The following C4BPA variants were observed in gnomAD, a reference collection of about 807,000 sequenced individuals.
The protein encoded by C4BPA is complement component 4 binding protein alpha.
Under a neutral mutation model 63.7 loss-of-function variants are expected in C4BPA, and 31 were observed. The ratio of observed to expected loss-of-function variants is 0.49; its 90% confidence interval spans 0.37 to 0.66. The LOEUF is 0.66. C4BPA is among the 30% of genes least tolerant of loss of function. C4BPA has a pLI of 0.00. For missense variants in C4BPA, 572 were observed against 723.3 expected, an observed-to-expected ratio of 0.79 and a Z score of 2.40; for synonymous variants, 259 against 254.7, an observed-to-expected ratio of 1.02 and a Z score of -0.16.
At chr1:207,114,335 G>A in intron 3 of C4BPA, 50 bp downstream of exon 3, 1 of 1,432,450 alleles carries the variant, frequency 7.0e-7, no homozygotes, top group Non-Finnish European at 9.6e-7. Flanking sequence ...TCTTTGGAAA[G>A]TTGTCTCAGA....
intron 4 of C4BPA, among the ~76,000 whole-genome samples, chr1:207,118,208 C>CATCTATCT (rs1553256033): frequency 2.0e-4 from 15 of 74,474 alleles, no homozygotes; most frequent in South Asian, 9.3e-4. Context: ...ATCTATCTAT[C>CATCTATCT]ATCTGTCTAT....
rs746759203 is a variant in C4BPA at position 207,126,836 on chromosome 1, G to C, written c.830G>C (p.Ser277Thr). 6.2e-7 allele frequency: 1 copy of C among 1,613,436 alleles called. No individual in the cohort carries two copies. The highest frequency in any genetic ancestry group is 8.5e-7 in the Non-Finnish European group (1 of 1,179,614). ...AAAGGTTTTGTTCTCAGAGGCAGCA[G>C]TGTAATTCATTGTGATGCTGATAGC... ...CQKGFVLRGS[S>T]VIHCDADSKW... The change falls in exon 7 of 12, where the codon AGT becomes ACT. Residue 277 changes from serine to threonine, a missense_variant. This residue lies in a region of C4BPA where 465 missense variants were observed against 629.4 expected (regional missense o/e 0.74). Coordinates refer to ENST00000367070, the MANE Select transcript of C4BPA (RefSeq NM_000715.4).
chr1:207,113,235 G>C, intron 2 of C4BPA, 68 bp downstream of exon 2: 3 of 1,525,276 alleles, frequency 2.0e-6, no homozygotes, highest in Non-Finnish European at 2.7e-6. Flanking sequence ...TCACTTTTAA[G>C]GCTAAAAAAA....
intron 9 of C4BPA, 112 bp from the exon 10 acceptor site, chr1:207,140,994 C>T (rs551660514): frequency 1.5e-5 from 11 of 756,922 alleles, no homozygotes; most frequent in East Asian, 2.8e-5. Flanking sequence ...TTACAGGCAG[C>T]GAGGATAGAA....
In C4BPA at chr1:207,126,830, G is replaced by A; in HGVS notation, c.824G>A (p.Gly275Asp). ...TGCCAAAAAGGTTTTGTTCTCAGAG[G>A]CAGCAGTGTAATTCATTGTGATGCT... ...FKCQKGFVLR[G>D]SSVIHCDADS... The change falls in exon 7 of 12, where the codon GGC becomes GAC. Residue 275 changes from glycine to aspartate, a missense_variant. Transcript: ENST00000367070. 2 of 1,613,420 alleles carry A rather than the reference G, an allele frequency of 1.2e-6. No homozygotes were observed. Among genetic ancestry groups the A allele is most frequent in the Non-Finnish European group, 1.7e-6 (2 of 1,179,604 alleles).
chr1:207,125,628 G>A (rs766859891), intron 6 of C4BPA, among the ~76,000 whole-genome samples: 3 of 152,146 alleles, frequency 2.0e-5, no homozygotes, highest in African/African-American at 4.8e-5. Flanking sequence ...TCCCCCATGT[G>A]AGGACGCAGC....
rs12072216 is a variant in C4BPA at position 207,113,035 on chromosome 1, C to T, written c.10C>T (p.Pro4Ser). 11 of 1,597,198 alleles carry T rather than the reference C, an allele frequency of 6.9e-6. No homozygotes were observed. The highest frequency in any genetic ancestry group is 2.3e-5 in the East Asian group (1 of 44,314). Residue 4 changes from proline (P) to serine (S), a missense_variant, in exon 2 of 12, where the codon CCA becomes TCA. Pro to Ser is a moderately conservative substitution (Grantham distance 74). This residue lies in a region of C4BPA where 107 missense variants were observed against 93.9 expected (regional missense o/e 1.14). Transcript: ENST00000367070. ...AGCGAAGCAGCAGGCCATGCACCCC[C>T]CAAAAACTCCATCTGGGGCTCTTCA... MHP[P>S]KTPSGALHRK...
At chr1:207,131,458 C>A in intron 7 of C4BPA, 88 bp from the exon 8 acceptor site, 2 of 864,120 alleles carry the variant, frequency 2.3e-6, no homozygotes, top group Non-Finnish European at 3.6e-6. Flanking sequence ...GAACGTATGA[C>A]CCCCTTTGAT....
intron 8 of C4BPA, among the ~76,000 whole-genome samples, chr1:207,133,767 T>C (rs1212151636): frequency 6.6e-6 from 1 of 152,184 alleles, no homozygotes; most frequent in Non-Finnish European, 1.5e-5. Flanking sequence ...GCCATTTAAA[T>C]GGCTATTTCT....
In C4BPA at chr1:207,141,746, G is replaced by C. The variant is rs564193490; in HGVS notation, c.1444+470G>C. On this transcript the variant is annotated intron_variant, in intron 10 of 11. Coordinates refer to ENST00000367070, the MANE Select transcript of C4BPA (RefSeq NM_000715.4). Reference sequence around the variant, plus strand: ...GTGTTGGTGTGAGGGGTCAGGGAGGGTGAAGGGGGACTCGTAGTTTGCAGC... The same window carrying C: ...GTGTTGGTGTGAGGGGTCAGGGAGGCTGAAGGGGGACTCGTAGTTTGCAGC... 2.7e-4 allele frequency among the ~76,000 whole-genome samples: 41 copies of C among 152,258 alleles called. No individual in the cohort carries two copies. The South Asian group carries it at 8.1e-3, about 30-fold the overall frequency.
At position 207,144,687 on chromosome 1, in the gene C4BPA, A is replaced by C; in HGVS notation, c.1764A>C (p.Ala588=). The C allele has an allele frequency of 6.2e-7, 1 of 1,609,836 alleles. No homozygotes were observed. The highest frequency in any genetic ancestry group is 1.3e-5 in the African/African-American group (1 of 74,796). The part of the protein sequence containing the change: ...IEQLELQRDS[A]RQSTLDKEL ...AACTGGAACTACAGAGAGACAGCGCAAGACAATCCACTTTGGATAAAGAAC... is the reference window on the plus strand; with the variant it reads ...AACTGGAACTACAGAGAGACAGCGCCAGACAATCCACTTTGGATAAAGAAC... Residue 588 remains alanine, a synonymous_variant, in exon 12 of 12, where the codon GCA becomes GCC. Transcript: ENST00000367070.
At position 207,142,094 on chromosome 1, in the gene C4BPA, A is replaced by AGT. The variant is rs574585947; in HGVS notation, c.1444+824_1444+825dup. Among the ~76,000 whole-genome samples the AGT allele has an allele frequency of 3.5e-3, 92 of 26,350 alleles. 1 individual carries two copies. The Admixed American group carries it at 0.039, about 11-fold the overall frequency. 17.3% of individuals were successfully genotyped at this position (26,350 alleles called of 152,430 possible). ...TGCCCCCCACCCCCCGACAGGCCCC[A>AGT]GTGTGTGATGTTCCCCTCCCTGTGT... On this transcript the variant is annotated intron_variant, in intron 10 of 11. Coordinates refer to ENST00000367070, the MANE Select transcript of C4BPA (RefSeq NM_000715.4).
At chr1:207,131,765 T>C in intron 8 of C4BPA, 25 bp downstream of exon 8, 1 of 1,502,718 alleles carries the variant, frequency 6.7e-7, no homozygotes, top group Non-Finnish European at 9.2e-7. Context: ...TTTAATATTT[T>C]TGTATATTAA....
At chr1:207,121,216 T>G (rs1180901948) in intron 4 of C4BPA, among the ~76,000 whole-genome samples, 1 of 152,172 alleles carries the variant, frequency 6.6e-6, no homozygotes, top group Admixed American at 6.5e-5. Flanking sequence ...ATAATTATTT[T>G]AACCATTATA....
intron 9 of C4BPA, among the ~76,000 whole-genome samples, chr1:207,136,914 C>T (rs1308984109): frequency 1.3e-5 from 2 of 152,218 alleles, no homozygotes; most frequent in Non-Finnish European, 2.9e-5. Context: ...GAATACTAAA[C>T]TTCCCAAAGT....
chr1:207,118,175 CTA>C (rs1230706585), intron 4 of C4BPA, among the ~76,000 whole-genome samples: 12 of 149,320 alleles, frequency 8.0e-5, no homozygotes, highest in African/African-American at 1.5e-4. Context: ...GTCTATCTAT[CTA>C]TATCTATCTA....
At chr1:207,125,956 C>T (rs1370420492) in intron 6 of C4BPA, among the ~76,000 whole-genome samples, 3 of 151,962 alleles carry the variant, frequency 2.0e-5, no homozygotes, top group Non-Finnish European at 2.9e-5. Flanking sequence ...AGATAGGGGG[C>T]GGCTTGTTTT....
intron 4 of C4BPA, among the ~76,000 whole-genome samples, chr1:207,122,680 C>G (rs1684943861): frequency 6.6e-6 from 1 of 152,108 alleles, no homozygotes; most frequent in Admixed American, 6.6e-5. Context: ...CTCAAGCAAT[C>G]CTCCCACCTC....
At chr1:207,138,215 C>T (rs903736833) in intron 9 of C4BPA, among the ~76,000 whole-genome samples, 1 of 152,252 alleles carries the variant, frequency 6.6e-6, no homozygotes, top group African/African-American at 2.4e-5. Context: ...AGAAGAGGCA[C>T]TCCTGCCATA....
Sources: gnomAD v4.1 joint callset for allele counts (sites outside exome capture counted in the v4.1 genomes callset) on GRCh38, gnomAD v4.1.1 for gene constraint, gnomAD v4.1.1 regional missense constraint, MANE v1.5 for transcripts, NCBI Gene and HGNC (gene_info 2026-07-23, HGNC 2026-07-21) for gene names.